TMEM178B: variants seen among roughly 807,000 people sequenced by gnomAD.
TMEM178B encodes the protein transmembrane protein 178B.
In TMEM178B, 5 loss-of-function variants were observed where a neutral mutation model predicts 31.0. The ratio of observed to expected loss-of-function variants is 0.16; its 90% CI spans 0.08 to 0.34. The LOEUF (loss-of-function observed/expected upper bound fraction) is 0.34. Among genes scored for constraint, TMEM178B ranks in the 10% least tolerant of loss-of-function variants. The probability of loss-of-function intolerance (pLI) is 1.00; values close to 1 mark genes in which losing one functional copy is unlikely to be tolerated. For synonymous variants in TMEM178B, 164 were observed against 164.0 expected, an observed-to-expected ratio of 1.00 and a Z score of 0.00; for missense variants, 275 against 400.3, an observed-to-expected ratio of 0.69 and a Z score of 2.67.
intron 2 of TMEM178B, among the ~76,000 whole-genome samples, chr7:141,360,816 T>C (rs1326599932): frequency 6.6e-6 from 1 of 152,222 alleles, no homozygotes; most frequent in East Asian, 1.9e-4. Flanking sequence ...TTCTACGTTT[T>C]GGTTTATAGG....
At chr7:141,319,899 G>C (rs1799069119) in intron 2 of TMEM178B, among the ~76,000 whole-genome samples, 1 of 152,100 alleles carries the variant, frequency 6.6e-6, no homozygotes, top group Non-Finnish European at 1.5e-5. Context: ...TCTGTAAAAG[G>C]GGATGTACTA....
chr7:141,096,354 A>T (rs982751831), intron 1 of TMEM178B, among the ~76,000 whole-genome samples: 5 of 152,290 alleles, frequency 3.3e-5, no homozygotes, highest in East Asian at 3.9e-4. Flanking sequence ...TTCCACTTCC[A>T]TGTCTGTCCC....
chr7:141,273,502 C>G (rs1276073446), intron 2 of TMEM178B, among the ~76,000 whole-genome samples: 1 of 152,104 alleles, frequency 6.6e-6, no homozygotes, highest in Non-Finnish European at 1.5e-5. Context: ...AGAAATGGAG[C>G]CATTTTTGAA....
intron 2 of TMEM178B, chr7:141,415,562 G>A (rs1285338903): frequency 6.6e-6 from 1 of 152,644 alleles, no homozygotes; most frequent in Non-Finnish European, 1.5e-5. Context: ...AGCAGAGGCA[G>A]CATCTCCAGG....
intron 2 of TMEM178B, among the ~76,000 whole-genome samples, chr7:141,231,672 G>T (rs2129191681): frequency 6.6e-6 from 1 of 152,316 alleles, no homozygotes. Flanking sequence ...CTGCTGCTTG[G>T]TGGAAACTGC....
intron 2 of TMEM178B, among the ~76,000 whole-genome samples, chr7:141,407,222 C>A (rs572252969): frequency 5.3e-5 from 8 of 152,352 alleles, no homozygotes; most frequent in Middle Eastern, 3.4e-3. Flanking sequence ...GCTGTTGACG[C>A]TCTGTGCTGT....
At chr7:141,441,939 G>T (rs1433046937) in intron 3 of TMEM178B, among the ~76,000 whole-genome samples, 1 of 152,192 alleles carries the variant, frequency 6.6e-6, no homozygotes, top group East Asian at 1.9e-4. Context: ...CAACCAGGAG[G>T]CCGGGGGTGG....
intron 1 of TMEM178B, among the ~76,000 whole-genome samples, chr7:141,202,126 G>A (rs993466206): frequency 6.6e-6 from 1 of 152,142 alleles, no homozygotes; most frequent in Non-Finnish European, 1.5e-5. Flanking sequence ...AAACAGTTCT[G>A]TGCACAGTAC....
rs959821935 is a variant in TMEM178B, at chr7:141,461,652, C to A, written c.635-8884C>A. On this transcript the variant is annotated intron_variant, in intron 3 of 3. Coordinates refer to ENST00000565468, the MANE Select transcript of TMEM178B (RefSeq NM_001195278.2). The surrounding 1 kb of genome is among the most constrained non-coding windows in gnomAD (Gnocchi z 4.0). ...CACAGCGTCCATTGCTGTGTCATGACTGCCGTGGCTTCTCTGAGAATCCCT... is the reference window on the plus strand; with the variant it reads ...CACAGCGTCCATTGCTGTGTCATGAATGCCGTGGCTTCTCTGAGAATCCCT... Among the ~76,000 whole-genome samples, 2 of 152,206 alleles carry A rather than the reference C, an allele frequency of 1.3e-5. No homozygotes were observed. Among genetic ancestry groups the A allele is most frequent in the African/African-American group, 2.4e-5 (1 of 41,470 alleles).
At chr7:141,132,908 G>A (rs1163639728) in intron 1 of TMEM178B, among the ~76,000 whole-genome samples, 2 of 152,278 alleles carry the variant, frequency 1.3e-5, no homozygotes, top group Admixed American at 1.3e-4. Context: ...GTCTCCCACA[G>A]AGCCTTGCCG....
At chr7:141,374,445 A>G (rs983874831) in intron 2 of TMEM178B, among the ~76,000 whole-genome samples, 2 of 152,000 alleles carry the variant, frequency 1.3e-5, no homozygotes, top group African/African-American at 4.8e-5. Flanking sequence ...ACCTTCTCCC[A>G]CCTCTTCTTC....
chr7:141,108,619 A>T (rs1795183827), intron 1 of TMEM178B, among the ~76,000 whole-genome samples: 1 of 152,128 alleles, frequency 6.6e-6, no homozygotes, highest in South Asian at 2.1e-4. Flanking sequence ...AGACATGTGA[A>T]ATAACTCTCC....
intron 2 of TMEM178B, among the ~76,000 whole-genome samples, chr7:141,398,991 A>G (rs1563171471): frequency 6.6e-6 from 1 of 152,272 alleles, no homozygotes; most frequent in Non-Finnish European, 1.5e-5. Context: ...AGTCATCCCA[A>G]TTAGAAAGTA....
chr7:141,345,306 A>G (rs766674973), intron 2 of TMEM178B, among the ~76,000 whole-genome samples: 4 of 152,330 alleles, frequency 2.6e-5, no homozygotes, highest in Non-Finnish European at 4.4e-5. Flanking sequence ...GGAGTTAATA[A>G]TTCTGTGATA....
intron 1 of TMEM178B, among the ~76,000 whole-genome samples, chr7:141,076,581 G>A (rs1794603721): frequency 6.6e-6 from 1 of 152,168 alleles, no homozygotes; most frequent in Non-Finnish European, 1.5e-5. Flanking sequence ...TGACTAGAAA[G>A]GTTGACTTGG....
Position 141,470,833 on chromosome 7 carries a change from A to T in TMEM178B, c.*47A>T. On this transcript the variant is annotated 3_prime_UTR_variant, in exon 4 of 4. Coordinates refer to ENST00000565468, the MANE Select transcript of TMEM178B (RefSeq NM_001195278.2). ...ATATATATATAAATATATATATATA[A>T]TATACATATATAAAACAAAACAAAA... 1.1e-6 allele frequency: 1 copy of T among 945,666 alleles called. No individual in the cohort carries two copies. 58.6% of individuals were successfully genotyped at this position (945,666 alleles called of 1,614,324 possible). A position where few individuals can be genotyped will look rare whatever the true frequency, so the allele number is the denominator to read the frequency against.
chr7:141,459,383 T>C (rs1802023053), intron 3 of TMEM178B, among the ~76,000 whole-genome samples: 1 of 152,160 alleles, frequency 6.6e-6, no homozygotes, highest in Admixed American at 6.5e-5. Context: ...TTTGTCCAAG[T>C]GACATGGATT....
At chr7:141,229,000 G>C (rs1010578530) in intron 2 of TMEM178B, among the ~76,000 whole-genome samples, 74 of 138,996 alleles carry the variant, frequency 5.3e-4, no homozygotes, top group Non-Finnish European at 9.0e-4. Flanking sequence ...CCATGGATTA[G>C]AGTCAGTACT....
At position 141,231,313 on chromosome 7, in the gene TMEM178B, GA is replaced by G. The variant is rs11370976; in HGVS notation, c.496+18621del. Among the ~76,000 whole-genome samples the G allele has an allele frequency of 1.2e-3, 176 of 143,456 alleles. 1 individual carries two copies. Among genetic ancestry groups the G allele is most frequent in the South Asian group, 4.9e-3 (22 of 4,510 alleles). 94.1% of individuals were successfully genotyped at this position (143,456 alleles called of 152,430 possible). On this transcript the variant is annotated intron_variant, in intron 2 of 3. Transcript: ENST00000565468. Reference sequence around the variant, plus strand: ...GCTCCTGACCTAGAGCTCAAGAGAAGAAAAAAAAAAAACACGACAAGGCTGC... The same window carrying G: ...GCTCCTGACCTAGAGCTCAAGAGAAGAAAAAAAAAAACACGACAAGGCTGC...
Sources: gnomAD v4.1 joint callset for allele counts (sites outside exome capture counted in the v4.1 genomes callset) on GRCh38, gnomAD v4.1.1 for gene constraint, Gnocchi (gnomAD v3.1) non-coding constraint, MANE v1.5 for transcripts, NCBI Gene and HGNC (gene_info 2026-07-23, HGNC 2026-07-21) for gene names.